Variants in MEGF10 observed in about 807,000 individuals in gnomAD.
MEGF10 encodes the protein multiple epidermal growth factor-like domains protein 10.
A neutral mutation model predicts 147.5 loss-of-function variants in MEGF10; 86 were observed. That is an observed-to-expected ratio of 0.58 (90% CI 0.49 to 0.70). The LOEUF (loss-of-function observed/expected upper bound fraction) is 0.70. Ranked by LOEUF, MEGF10 falls within the 30% of genes least tolerant of loss-of-function variation. The pLI is 0.00. For missense variants in MEGF10, 1,329 were observed against 1,487.3 expected, an observed-to-expected ratio of 0.89 and a Z score of 1.75; for synonymous variants, 478 against 525.5, an observed-to-expected ratio of 0.91 and a Z score of 1.24.
chr5:127,391,958 G>A (rs545684109), intron 5 of MEGF10, among the ~76,000 whole-genome samples: 2 of 152,222 alleles, frequency 1.3e-5, no homozygotes, highest in Admixed American at 6.5e-5. Context: ...GAGGCCTGGA[G>A]TTCAAGATCA....
At chr5:127,295,470 T>A (rs1367749782) in intron 1 of MEGF10, among the ~76,000 whole-genome samples, 2 of 152,232 alleles carry the variant, frequency 1.3e-5, no homozygotes, top group African/African-American at 4.8e-5. Context: ...ACACTTCTCA[T>A]AATTACTATT....
chr5:127,251,225 G>A, the MEGF10 span, among the ~76,000 whole-genome samples: 17 of 152,122 alleles, frequency 1.1e-4, no homozygotes, highest in African/African-American at 2.2e-4. Flanking sequence ...TAGGGTTTGC[G>A]CAGGTATAGG....
In MEGF10 at chr5:127,411,587, G is replaced by A. The variant is rs138115046; in HGVS notation, c.1130+986G>A. Among the ~76,000 whole-genome samples, 876 of 152,236 alleles carry A rather than the reference G, an allele frequency of 5.8e-3. 11 individuals carry two copies. The highest frequency in any genetic ancestry group is 0.02 in the African/African-American group (837 of 41,526). ...GTGTGTGTGCGCGCATATGTGTGCT[G>A]TAATACATTTTAGTGGGACATATGA... On this transcript the variant is annotated intron_variant, in intron 9 of 24. Coordinates refer to ENST00000503335, the MANE Select transcript of MEGF10 (RefSeq NM_001256545.2).
chr5:127,258,079 G>A, the MEGF10 span, among the ~76,000 whole-genome samples: 1 of 152,170 alleles, frequency 6.6e-6, no homozygotes, highest in East Asian at 1.9e-4. Context: ...ATCAGATGGA[G>A]ACCCATCAAT....
rs889441413 is a variant in MEGF10, at chr5:127,356,228, A to G, written c.320-13682A>G. 2.6e-5 allele frequency among the ~76,000 whole-genome samples: 4 copies of G among 152,246 alleles called. No individual in the cohort carries two copies. The South Asian group carries it at 8.3e-4, about 32-fold the overall frequency. ...GTATAGCGCCGGCCAGCGCTTTTAC[A>G]GATAATCCAGTGGTAAACCTAGTGC... On this transcript the variant is annotated intron_variant, in intron 4 of 24. Coordinates refer to ENST00000503335, the MANE Select transcript of MEGF10 (RefSeq NM_001256545.2).
chr5:127,401,765 A>G (rs1481841658), intron 7 of MEGF10, among the ~76,000 whole-genome samples: 2 of 152,292 alleles, frequency 1.3e-5, no homozygotes, highest in African/African-American at 4.8e-5. Context: ...ACTTATTGGT[A>G]CAGTATCTTA....
chr5:127,432,183 G>A (rs1195285768), intron 13 of MEGF10, among the ~76,000 whole-genome samples: 1 of 152,102 alleles, frequency 6.6e-6, no homozygotes, highest in Non-Finnish European at 1.5e-5. Flanking sequence ...TACCACGTGG[G>A]AGACTTTCAG....
In MEGF10 at chr5:127,447,469, G is replaced by A. The variant is rs573351082; in HGVS notation, c.2729-88G>A. 3.1e-5 allele frequency: 49 copies of A among 1,570,762 alleles called. No homozygotes were observed. In the African/African-American group the frequency reaches 5.3e-4, roughly 17 times the overall value. On this transcript the variant is annotated intron_variant, in intron 20 of 24. Transcript: ENST00000503335. ...TGGGATTACAGGCGTGAGCCACCTCGCTGGGCCTGTTTTGTTATTTTGATT... is the reference window on the plus strand; with the variant it reads ...TGGGATTACAGGCGTGAGCCACCTCACTGGGCCTGTTTTGTTATTTTGATT...
intron 4 of MEGF10, among the ~76,000 whole-genome samples, chr5:127,367,485 C>G (rs1762699613): frequency 6.6e-6 from 1 of 152,046 alleles, no homozygotes; most frequent in African/African-American, 2.4e-5. Context: ...ATAAATTTAC[C>G]ATATAAATGA....
intron 5 of MEGF10, among the ~76,000 whole-genome samples, chr5:127,387,838 C>T (rs555894315): frequency 1.8e-4 from 27 of 152,274 alleles, no homozygotes; most frequent in African/African-American, 6.5e-4. Flanking sequence ...CTCAATGTAT[C>T]TTAGAAAGCC....
chr5:127,287,053 C>T (rs928992496), upstream of MEGF10, among the ~76,000 whole-genome samples: 1 of 151,882 alleles, frequency 6.6e-6, no homozygotes, highest in Admixed American at 6.6e-5. Flanking sequence ...ATAATTTCAA[C>T]TGATACAGAA....
chr5:127,385,304 A>T (rs961460144), intron 5 of MEGF10, among the ~76,000 whole-genome samples: 1 of 148,294 alleles, frequency 6.7e-6, no homozygotes, highest in Admixed American at 6.7e-5. Flanking sequence ...GATATTTATA[A>T]TTTTTTTTTT....
chr5:127,296,610 T>G (rs183603135), intron 1 of MEGF10, among the ~76,000 whole-genome samples: 5 of 152,298 alleles, frequency 3.3e-5, no homozygotes, highest in Admixed American at 2.6e-4. Flanking sequence ...CTGTACAGAT[T>G]TGGCTGTTTC....
At chr5:127,237,132 T>A in the MEGF10 span, among the ~76,000 whole-genome samples, 20 of 151,642 alleles carry the variant, frequency 1.3e-4, no homozygotes, top group African/African-American at 3.1e-4. Context: ...AGTCAGTTTT[T>A]AAAAAAAAAG....
chr5:127,252,045 T>C, the MEGF10 span, among the ~76,000 whole-genome samples: 3 of 151,930 alleles, frequency 2.0e-5, no homozygotes, highest in African/African-American at 7.2e-5. Context: ...ATCAGATAAA[T>C]GTAAATTAAT....
chr5:127,346,662 A>G (rs246894), intron 4 of MEGF10, among the ~76,000 whole-genome samples: 83,688 of 151,914 alleles, frequency 0.55, 23,333 homozygotes, highest in Middle Eastern at 0.74. Flanking sequence ...TCTGTGGGTT[A>G]TCTGTTTACT....
chr5:127,411,427 C>A (rs1487177433), intron 9 of MEGF10, among the ~76,000 whole-genome samples: 1 of 152,222 alleles, frequency 6.6e-6, no homozygotes, highest in Non-Finnish European at 1.5e-5. Context: ...TTCATTTATA[C>A]TTCTGAAAGA....
intron 2 of MEGF10, among the ~76,000 whole-genome samples, chr5:127,337,567 AG>A (rs1229990934): frequency 6.6e-6 from 1 of 152,116 alleles, no homozygotes; most frequent in East Asian, 1.9e-4. Context: ...ATATTTTAGC[AG>A]GGGCCTCTTG....
At chr5:127,373,305 C>G (rs1233317113) in intron 5 of MEGF10, among the ~76,000 whole-genome samples, 1 of 152,114 alleles carries the variant, frequency 6.6e-6, no homozygotes, top group East Asian at 1.9e-4. Context: ...GCATGTGCCA[C>G]CACACCTGGC....
Sources: allele counts gnomAD v4.1 joint callset (sites outside exome capture counted in the v4.1 genomes callset), GRCh38; gene constraint gnomAD v4.1.1; transcripts MANE v1.5; gene names NCBI Gene and HGNC (gene_info 2026-07-23, HGNC 2026-07-21).